The following ARID1B variants were observed in gnomAD, a reference collection of about 807,000 sequenced individuals.
ARID1B encodes AT-rich interactive domain-containing protein 1B.
Under a neutral mutation model 212.3 loss-of-function variants are expected in ARID1B, and 30 were observed. The ratio of observed to expected loss-of-function variants is 0.14; its 90% confidence interval spans 0.11 to 0.19. The LOEUF is 0.19. Among genes scored for constraint, ARID1B ranks in the 10% least tolerant of loss-of-function variants. The pLI is 1.00. For missense variants in ARID1B, 2,891 were observed against 3,204.0 expected, an observed-to-expected ratio of 0.90 and a Z score of 2.36; for synonymous variants, 1,402 against 1,301.7, an observed-to-expected ratio of 1.08 and a Z score of -1.66.
At chr6:157,072,497 T>A (rs1784055936) in intron 4 of ARID1B, 1 of 152,250 alleles carries the variant, frequency 6.6e-6, no homozygotes, top group African/African-American at 2.4e-5. Flanking sequence ...TCATATAATC[T>A]TTATAATGTT....
chr6:157,195,721 CT>C (rs1793666872), intron 15 of ARID1B: 1 of 161,408 alleles, frequency 6.2e-6, no homozygotes, highest in African/African-American at 2.4e-5. Flanking sequence ...CACATCTTGG[CT>C]CCACAACTTA....
At chr6:157,185,940 G>A (rs193185378) in intron 13 of ARID1B, 2 of 152,428 alleles carry the variant, frequency 1.3e-5, no homozygotes, top group Admixed American at 1.3e-4. Flanking sequence ...TTAAAAACTG[G>A]GAAATCTAAT....
intron 2 of ARID1B, among the ~76,000 whole-genome samples, chr6:156,830,720 G>T (rs1783086788): frequency 6.6e-6 from 1 of 151,676 alleles, no homozygotes; most frequent in Non-Finnish European, 1.5e-5. Context: ...TTGAGCCCAG[G>T]AGTTTGAGTC....
intron 4 of ARID1B, chr6:157,071,797 T>G (rs1487486895): frequency 1.3e-5 from 2 of 152,192 alleles, no homozygotes; most frequent in African/African-American, 4.8e-5. Flanking sequence ...AACTAGAAGT[T>G]CCTATGTCTG....
intron 2 of ARID1B, among the ~76,000 whole-genome samples, chr6:156,849,529 G>A (rs745318469): frequency 2.0e-5 from 3 of 152,166 alleles, no homozygotes; most frequent in Non-Finnish European, 4.4e-5. Flanking sequence ...ATAGAGAGAA[G>A]CATCTGCATT....
At chr6:157,028,254 A>C (rs1243434311) in intron 4 of ARID1B, among the ~76,000 whole-genome samples, 1 of 152,206 alleles carries the variant, frequency 6.6e-6, no homozygotes, top group Non-Finnish European at 1.5e-5. Flanking sequence ...ACAGTCCCTC[A>C]CTGCCTGGAC....
At chr6:157,191,148 T>C (rs1228817335) in intron 15 of ARID1B, among the ~76,000 whole-genome samples, 1 of 152,092 alleles carries the variant, frequency 6.6e-6, no homozygotes, top group African/African-American at 2.4e-5. Context: ...CTCTGGAGAA[T>C]GTACTGGAAA....
chr6:157,144,587 G>A lies in ARID1B; in HGVS notation c.2762-4037G>A, dbSNP rs989869629. Among the ~76,000 whole-genome samples the A allele has an allele frequency of 3.3e-5, 5 of 152,134 alleles. No homozygotes were observed. In the South Asian group the frequency reaches 8.3e-4, roughly 25 times the overall value. On this transcript the variant is annotated intron_variant, in intron 7 of 19. Transcript: ENST00000636930. Reference sequence around the variant, plus strand: ...CTTATCAGATCATCTGGAAGCGAAGGGGATGTGAGCTTGGGGAGGAGGAGG... The same window carrying A: ...CTTATCAGATCATCTGGAAGCGAAGAGGATGTGAGCTTGGGGAGGAGGAGG...
intron 4 of ARID1B, among the ~76,000 whole-genome samples, chr6:157,043,720 T>C (rs1030896113): frequency 6.6e-6 from 1 of 152,240 alleles, no homozygotes. Context: ...TCTCCTGTTA[T>C]CTGGGCTAAT....
intron 4 of ARID1B, among the ~76,000 whole-genome samples, chr6:157,078,625 C>CT (rs1288753491): frequency 6.6e-6 from 1 of 152,170 alleles, no homozygotes; most frequent in Admixed American, 6.5e-5. Flanking sequence ...TTGTTTACCA[C>CT]TTCTAAGTTT....
At chr6:157,140,627 C>T (rs1583385662) in intron 7 of ARID1B, 1 of 398,576 alleles carries the variant, frequency 2.5e-6, no homozygotes, top group East Asian at 3.6e-5. Flanking sequence ...AGAAACTGAG[C>T]TTTGGAGTAA....
At chr6:156,986,521 G>T (rs1020651540) in intron 4 of ARID1B, among the ~76,000 whole-genome samples, 1 of 152,122 alleles carries the variant, frequency 6.6e-6, no homozygotes. Flanking sequence ...TCTGTCACTC[G>T]GTCAGCTTGT....
intron 3 of ARID1B, among the ~76,000 whole-genome samples, chr6:156,919,434 T>C (rs1380757288): frequency 2.0e-5 from 3 of 152,172 alleles, no homozygotes; most frequent in Non-Finnish European, 2.9e-5. Flanking sequence ...TGAGGAATTA[T>C]ATAGTAATAA....
At chr6:156,814,132 T>TA in intron 1 of ARID1B, among the ~76,000 whole-genome samples, 1 of 152,288 alleles carries the variant, frequency 6.6e-6, no homozygotes, top group African/African-American at 2.4e-5. Flanking sequence ...AAAATATTAA[T>TA]ACATCTGGAG....
At chr6:156,805,514 A>C (rs1046007647) in intron 1 of ARID1B, among the ~76,000 whole-genome samples, 5 of 152,144 alleles carry the variant, frequency 3.3e-5, no homozygotes, top group African/African-American at 1.2e-4. Context: ...TTTACACTTC[A>C]CCAAGGAAGG....
At chr6:156,975,615 T>TTC (rs1177500188) in intron 4 of ARID1B, among the ~76,000 whole-genome samples, 1 of 145,734 alleles carries the variant, frequency 6.9e-6, no homozygotes, top group African/African-American at 2.6e-5. Flanking sequence ...TTTTTTTTCT[T>TTC]TTTTTTTTTT....
rs147690017 is a variant in ARID1B, at chr6:157,206,395, A to C, written c.5623A>C (p.Ser1875Arg). ...AGACGAGGAGGATGAGGAGGAAGAC[A>C]GCGAGAAGACAGAAAGCGATGAAAA... ...EEDEEDEEEDSEKTESDEKSS... is the reference protein window; with the variant it reads ...EEDEEDEEEDREKTESDEKSS... The change falls in exon 20 of 20, where the codon AGC (serine) becomes CGC (arginine). Residue 1875 changes from serine (S) to arginine (R), a missense_variant. By Grantham distance (110) the Ser-to-Arg change is moderately radical. Coordinates refer to ENST00000636930, the MANE Select transcript of ARID1B (RefSeq NM_001374828.1). The surrounding 1 kb of genome is among the most constrained non-coding windows in gnomAD (Gnocchi z 6.8). 44 of 1,614,122 alleles carry C rather than the reference A, an allele frequency of 2.7e-5. No individual in the cohort carries two copies. The Middle Eastern group carries it at 1.2e-3, about 42-fold the overall frequency.
intron 5 of ARID1B, among the ~76,000 whole-genome samples, chr6:157,097,097 A>T (rs1351614179): frequency 4.6e-5 from 7 of 152,194 alleles, no homozygotes; most frequent in Non-Finnish European, 1.0e-4. Context: ...TAAAAGTATG[A>T]GTTTTATGCC....
intron 2 of ARID1B, among the ~76,000 whole-genome samples, chr6:156,882,960 T>C (rs1416854196): frequency 1.3e-5 from 2 of 152,236 alleles, no homozygotes; most frequent in East Asian, 3.8e-4. Context: ...AAGGTTATGA[T>C]AAAATCTTAC....
Sources: allele counts gnomAD v4.1 joint callset (sites outside exome capture counted in the v4.1 genomes callset), GRCh38; gene constraint gnomAD v4.1.1; non-coding constraint Gnocchi (gnomAD v3.1); transcripts MANE v1.5; gene names NCBI Gene and HGNC (gene_info 2026-07-23, HGNC 2026-07-21).